Variants in PACRG observed in about 807,000 individuals in gnomAD.
The protein encoded by PACRG is parkin coregulated.
In PACRG, 29 loss-of-function variants were observed where a neutral mutation model predicts 29.7. The ratio of observed to expected loss-of-function variants is 0.98; its 90% CI spans 0.73 to 1.33. PACRG has a LOEUF of 1.33. Ranked by LOEUF, PACRG falls within the 40% of genes most tolerant of loss-of-function variation. The pLI is 0.00. For synonymous variants in PACRG, 116 were observed against 118.7 expected, an observed-to-expected ratio of 0.98 and a Z score of 0.15; for missense variants, 279 against 316.2, an observed-to-expected ratio of 0.88 and a Z score of 0.89.
At chr6:163,108,912 A>T (rs1585224760) in intron 4 of PACRG, among the ~76,000 whole-genome samples, 2 of 152,344 alleles carry the variant, frequency 1.3e-5, no homozygotes, top group East Asian at 3.9e-4. Context: ...ATGCACAAGA[A>T]TAATATTCAC....
chr6:163,081,364 A>G (rs901730544), intron 3 of PACRG, among the ~76,000 whole-genome samples: 4 of 152,212 alleles, frequency 2.6e-5, no homozygotes, highest in Non-Finnish European at 4.4e-5. Context: ...TCTTTGCTTA[A>G]TGGCTACAGA....
chr6:163,277,516 C>CACACAT (rs1554239317), intron 4 of PACRG, among the ~76,000 whole-genome samples: 1 of 135,728 alleles, frequency 7.4e-6, no homozygotes, highest in Middle Eastern at 3.9e-3. Flanking sequence ...CACACACACA[C>CACACAT]ATATACACAT....
intron 2 of PACRG, among the ~76,000 whole-genome samples, chr6:163,044,237 C>T (rs565825598): frequency 1.3e-5 from 2 of 150,906 alleles, no homozygotes; most frequent in South Asian, 2.1e-4. Context: ...GGCACGATCA[C>T]GGTTCACTGA....
intron 4 of PACRG, among the ~76,000 whole-genome samples, chr6:163,222,779 GATAA>G (rs1471738840): frequency 1.3e-5 from 2 of 152,114 alleles, no homozygotes; most frequent in Non-Finnish European, 2.9e-5. Context: ...ATTGACATCA[GATAA>G]ATAAACAGTT....
chr6:163,133,754 A>T (rs9458727), intron 4 of PACRG, among the ~76,000 whole-genome samples: 42,458 of 152,164 alleles, frequency 0.28, 8,337 homozygotes, highest in African/African-American at 0.56. Context: ...TAAAGCTTTT[A>T]TCTTTCTTCC....
chr6:163,117,192 T>C (rs73786983), intron 4 of PACRG, among the ~76,000 whole-genome samples: 3,652 of 152,212 alleles, frequency 0.024, 161 homozygotes, highest in African/African-American at 0.083. Context: ...CTGCAAACCA[T>C]CTAGGAAAGA....
At chr6:163,163,342 G>A (rs998366677) in intron 4 of PACRG, among the ~76,000 whole-genome samples, 1 of 152,080 alleles carries the variant, frequency 6.6e-6, no homozygotes, top group Non-Finnish European at 1.5e-5. Flanking sequence ...CATGATCTCG[G>A]CTCACTGCAG....
intron 4 of PACRG, among the ~76,000 whole-genome samples, chr6:163,164,490 G>T (rs375874176): frequency 6.6e-6 from 1 of 152,308 alleles, no homozygotes; most frequent in Non-Finnish European, 1.5e-5. Flanking sequence ...CTCAGTGGGC[G>T]CTGGGGATGG....
intron 2 of PACRG, among the ~76,000 whole-genome samples, chr6:162,917,152 C>T (rs759862574): frequency 3.3e-5 from 5 of 152,212 alleles, no homozygotes; most frequent in Admixed American, 6.5e-5. Flanking sequence ...TTGAGAAACT[C>T]GCTTAATCTG....
At chr6:163,021,493 ATGCTGGGCAGGAGATGTTTGTCTCGCTC>A (rs1447897332) in intron 2 of PACRG, among the ~76,000 whole-genome samples, 3 of 152,094 alleles carry the variant, frequency 2.0e-5, no homozygotes, top group Non-Finnish European at 4.4e-5. Context: ...TAACTGAGCA[ATGCTGGGCAGGAGATGTTTGTCTCGCTC>A]CAGGCTTGTC....
chr6:163,276,667 A>T (rs1484306489), intron 4 of PACRG, among the ~76,000 whole-genome samples: 2 of 152,172 alleles, frequency 1.3e-5, no homozygotes, highest in African/African-American at 4.8e-5. Context: ...TTGGGGGGTG[A>T]TTAGATCATG....
chr6:162,916,695 G>A (rs950040714), intron 2 of PACRG, among the ~76,000 whole-genome samples: 4 of 152,064 alleles, frequency 2.6e-5, no homozygotes, highest in Admixed American at 1.3e-4. Context: ...AATCTGTGCT[G>A]TCTCTGAGTC....
intron 1 of PACRG, among the ~76,000 whole-genome samples, chr6:162,813,862 A>G (rs925004492): frequency 6.6e-6 from 1 of 152,174 alleles, no homozygotes; most frequent in African/African-American, 2.4e-5. Flanking sequence ...CACAAACATA[A>G]TATCAGTTTT....
intron 1 of PACRG, among the ~76,000 whole-genome samples, chr6:162,738,816 G>T (rs1780359285): frequency 6.6e-6 from 1 of 152,120 alleles, no homozygotes; most frequent in African/African-American, 2.4e-5. Context: ...GATATTTCTA[G>T]TTAGCCATTT....
intron 2 of PACRG, among the ~76,000 whole-genome samples, chr6:162,995,304 G>T (rs1461978256): frequency 5.4e-4 from 81 of 150,862 alleles, no homozygotes; most frequent in South Asian, 1.5e-3. Flanking sequence ...GTTTACCTAA[G>T]CAAGCCTGGG....
chr6:163,178,899 A>G (rs1195872179), intron 4 of PACRG, among the ~76,000 whole-genome samples: 1 of 152,234 alleles, frequency 6.6e-6, no homozygotes, highest in African/African-American at 2.4e-5. Flanking sequence ...TAAAGCACTC[A>G]GGTAATATAA....
chr6:163,147,028 A>G (rs1777830635), intron 4 of PACRG, among the ~76,000 whole-genome samples: 1 of 152,136 alleles, frequency 6.6e-6, no homozygotes, highest in Non-Finnish European at 1.5e-5. Flanking sequence ...TTCTCTTCTA[A>G]TCATCCTTTG....
At chr6:163,219,032 A>C (rs1781474473) in intron 4 of PACRG, among the ~76,000 whole-genome samples, 1 of 152,226 alleles carries the variant, frequency 6.6e-6, no homozygotes, top group African/African-American at 2.4e-5. Flanking sequence ...ACCCTATTCT[A>C]GTCCATGGTT....
chr6:162,890,735 C>T (rs1049228460), intron 2 of PACRG, among the ~76,000 whole-genome samples: 1 of 152,192 alleles, frequency 6.6e-6, no homozygotes, highest in Non-Finnish European at 1.5e-5. Context: ...GTCTTTATAT[C>T]ACATACCCTG....
Sources: gnomAD v4.1 joint callset for allele counts (sites outside exome capture counted in the v4.1 genomes callset) on GRCh38, gnomAD v4.1.1 for gene constraint, MANE v1.5 for transcripts, NCBI Gene and HGNC (gene_info 2026-07-23, HGNC 2026-07-21) for gene names.